The following ZDHHC6 variants were observed in gnomAD, a reference collection of about 807,000 sequenced individuals.
ZDHHC6 encodes palmitoyltransferase ZDHHC6.
Under a neutral mutation model 57.8 loss-of-function variants are expected in ZDHHC6, and 32 were observed. The ratio of observed to expected loss-of-function variants is 0.55; its 90% CI spans 0.42 to 0.74. The LOEUF is 0.74. Among genes scored for constraint, ZDHHC6 ranks in the 30% least tolerant of loss-of-function variants. ZDHHC6 has a pLI of 0.00. For synonymous variants in ZDHHC6, 128 were observed against 158.0 expected, an observed-to-expected ratio of 0.81 and a Z score of 1.42; for missense variants, 433 against 500.7, an observed-to-expected ratio of 0.86 and a Z score of 1.29.
Position 112,432,609 on chromosome 10 carries a change from C to T in ZDHHC6, c.946-88G>A, listed in dbSNP as rs1373631621. The stretch of plus-strand genomic sequence containing the variant: ...GAATTTCAAATTTTAAAGCAAGATC[C>T]AAAATATCCAGTGACAAGCCTTCTA... On this transcript the variant is annotated intron_variant, in intron 8 of 10. Transcript: ENST00000369405. 3.4e-6 allele frequency: 5 copies of T among 1,491,356 alleles called. No homozygotes were observed. The Admixed American group carries it at 1.1e-4, about 31-fold the overall frequency. The allele number at this position is 1,491,356 out of a possible 1,614,324, so 92.4% of individuals were successfully genotyped here.
chr10:112,445,472 A>T lies in ZDHHC6; in HGVS notation c.-36T>A. 2 of 1,598,042 alleles carry T rather than the reference A, an allele frequency of 1.3e-6. No individual in the cohort carries two copies. The highest frequency in any genetic ancestry group is 1.7e-6 in the Non-Finnish European group (2 of 1,171,590). On this transcript the variant is annotated 5_prime_UTR_variant, in exon 2 of 11. Coordinates refer to ENST00000369405, the MANE Select transcript of ZDHHC6 (RefSeq NM_022494.3). ...AAGAATGCCTTCCTACTTTAAAAGA[A>T]TTATAGATTTCCTTTTTCTGTGCGC...
chr10:112,430,601 AAG>A lies in ZDHHC6; in HGVS notation c.*201_*202del. The stretch of plus-strand genomic sequence containing the variant: ...CTTTGAGGGGGAGGAAGAGGTGGTA[AAG>A]AGGGGCAGGAATTCAAAGGCATATG... On this transcript the variant is annotated 3_prime_UTR_variant, in exon 11 of 11. Transcript: ENST00000369405. 1 of 432,392 alleles carries A rather than the reference AAG, an allele frequency of 2.3e-6. No individual in the cohort carries two copies. Among genetic ancestry groups the A allele is most frequent in the Non-Finnish European group, 4.1e-6 (1 of 244,200 alleles). The allele number at this position is 432,392 out of a possible 1,614,324, so 26.8% of individuals were successfully genotyped here.
intron 4 of ZDHHC6, among the ~76,000 whole-genome samples, chr10:112,440,901 A>G (rs1846053733): frequency 6.6e-6 from 1 of 152,238 alleles, no homozygotes; most frequent in Admixed American, 6.5e-5. Context: ...GCTGGAGTGC[A>G]GTGGCACGAT....
chr10:112,425,113 G>A (rs2133681481), exon 12 of ZDHHC6: 2 of 346,790 alleles, frequency 5.8e-6, no homozygotes, highest in South Asian at 2.4e-4. Context: ...CTTTCTCTAA[G>A]GCTGCGCATT....
At chr10:112,431,310 T>C (rs886772096) in intron 10 of ZDHHC6, among the ~76,000 whole-genome samples, 6 of 152,042 alleles carry the variant, frequency 3.9e-5, no homozygotes, top group Non-Finnish European at 7.4e-5. Flanking sequence ...CTAACATATA[T>C]ATTTCTTTCT....
downstream of ZDHHC6, chr10:112,426,374 G>A (rs562574932): frequency 4.1e-5 from 66 of 1,610,634 alleles, no homozygotes; most frequent in Admixed American, 9.0e-4. Context: ...GTCTTGCCTA[G>A]GAAAGCTTTA....
chr10:112,447,409 C>G (rs1846894904), upstream of ZDHHC6: 1 of 1,613,716 alleles, frequency 6.2e-7, no homozygotes, highest in Non-Finnish European at 8.5e-7. Context: ...AGCAGGACTT[C>G]GCGGTGCTCA....
chr10:112,437,496 T>C (rs1314533787), intron 6 of ZDHHC6, among the ~76,000 whole-genome samples: 1 of 152,246 alleles, frequency 6.6e-6, no homozygotes, highest in African/African-American at 2.4e-5. Context: ...GTAAAAGGCC[T>C]ATTAAAATAT....
intron 5 of ZDHHC6, among the ~76,000 whole-genome samples, chr10:112,440,022 T>C (rs1005812981): frequency 6.6e-6 from 1 of 152,122 alleles, no homozygotes; most frequent in Admixed American, 6.6e-5. Flanking sequence ...TATACTATTA[T>C]AAAATAACAT....
At chr10:112,440,771 A>G in intron 4 of ZDHHC6, 76 bp from the exon 5 acceptor site, 1 of 1,409,296 alleles carries the variant, frequency 7.1e-7, no homozygotes, top group Non-Finnish European at 9.4e-7. Flanking sequence ...GACACGTAAA[A>G]CAACTTGATC....
At position 112,434,076 on chromosome 10, in the gene ZDHHC6, A is replaced by G. The variant is rs116495408; in HGVS notation, c.903+221T>C. Among the ~76,000 whole-genome samples the G allele has an allele frequency of 6.8e-3, 1,042 of 152,336 alleles. 9 individuals are homozygous for G. The highest frequency in any genetic ancestry group is 0.024 in the African/African-American group (988 of 41,572). ...GGCCAGATTTCATAAAACTATGTTA[A>G]GGGATCAGGACTTTATCTCACAGGT... On this transcript the variant is annotated intron_variant, in intron 7 of 10. Coordinates refer to ENST00000369405, the MANE Select transcript of ZDHHC6 (RefSeq NM_022494.3).
intron 3 of ZDHHC6, 151 bp from the exon 4 acceptor site, chr10:112,442,502 T>C: frequency 1.4e-6 from 1 of 738,766 alleles, no homozygotes; most frequent in East Asian, 2.9e-5. Flanking sequence ...AAAATCTTTA[T>C]GAGCTTTTAA....
intron 6 of ZDHHC6, among the ~76,000 whole-genome samples, 165 bp downstream of exon 6, chr10:112,438,171 T>C (rs1404538301): frequency 1.3e-5 from 2 of 152,240 alleles, no homozygotes; most frequent in Non-Finnish European, 2.9e-5. Context: ...TCACCTTTTA[T>C]GTGGCATGCA....
At position 112,445,202 on chromosome 10, in the gene ZDHHC6, C is replaced by T. The variant is rs748119885; in HGVS notation, c.235G>A (p.Gly79Ser). ...LYNYFNAMFV[G>S]PGFVPLGWKP... ...CACCCCAGAGGGACAAAGCCCGGAC[C>T]GACAAACATGGCATTGAAGTAATTA... The change falls in exon 2 of 11, where the codon GGT (glycine) becomes AGT (serine). Residue 79 changes from glycine to serine, a missense_variant. By Grantham distance (56) the Gly-to-Ser change is moderately conservative. Transcript: ENST00000369405. The T allele has an allele frequency of 8.1e-6, 13 of 1,613,746 alleles. No homozygotes were observed. The highest frequency in any genetic ancestry group is 6.6e-5 in the South Asian group (6 of 91,086).
intron 5 of ZDHHC6, 25 bp downstream of exon 5, chr10:112,440,509 G>A (rs1189849190): frequency 6.2e-7 from 1 of 1,606,318 alleles, no homozygotes; most frequent in Admixed American, 1.7e-5. Flanking sequence ...TGACACTTTT[G>A]ACTTGAGGTA....
intron 3 of ZDHHC6, 122 bp downstream of exon 3, chr10:112,443,393 A>G: frequency 1.4e-6 from 1 of 725,440 alleles, no homozygotes; most frequent in Non-Finnish European, 2.2e-6. Flanking sequence ...TATTCTGACA[A>G]TATTGTTTAT....
intron 6 of ZDHHC6, among the ~76,000 whole-genome samples, chr10:112,437,756 G>A (rs184217601): frequency 6.6e-6 from 1 of 152,218 alleles, no homozygotes; most frequent in African/African-American, 2.4e-5. Context: ...TGGTATACAG[G>A]CTTGCTCCCC....
At chr10:112,427,376 C>A (rs779811517), downstream of ZDHHC6, 30 of 1,602,346 alleles carry the variant, frequency 1.9e-5, no homozygotes, top group East Asian at 2.2e-5. Context: ...TACTTAAGTA[C>A]CTGCCGGCCC....
intron 9 of ZDHHC6, 43 bp from the exon 10 acceptor site, chr10:112,432,329 A>G: frequency 6.2e-7 from 1 of 1,609,004 alleles, no homozygotes; most frequent in Non-Finnish European, 8.5e-7. Context: ...TAGGCTAGAT[A>G]TTAATTTTGT....
Sources: allele counts gnomAD v4.1 joint callset (sites outside exome capture counted in the v4.1 genomes callset), GRCh38; gene constraint gnomAD v4.1.1; transcripts MANE v1.5; gene names NCBI Gene and HGNC (gene_info 2026-07-23, HGNC 2026-07-21).